SHANK2: variants seen among roughly 807,000 people sequenced by gnomAD.
The protein encoded by SHANK2 is SH3 and multiple ankyrin repeat domains protein 2.
Under a neutral mutation model 133.7 loss-of-function variants are expected in SHANK2, and 43 were observed. The observed-to-expected ratio is 0.32, with a 90% CI of 0.25 to 0.41. The LOEUF is 0.41. SHANK2 is among the 10% of genes least tolerant of loss of function. The probability of loss-of-function intolerance (pLI) is 1.00; values close to 1 mark genes in which losing one functional copy is unlikely to be tolerated. For synonymous variants in SHANK2, 1,017 were observed against 952.8 expected (o/e 1.07, Z -1.24); for missense variants, 1,994 against 2,235.8 (o/e 0.89, Z 2.18).
At chr11:70,689,195 A>G (rs1945223323) in intron 15 of SHANK2, among the ~76,000 whole-genome samples, 1 of 152,236 alleles carries the variant, frequency 6.6e-6, no homozygotes, top group South Asian at 2.1e-4. Context: ...TTGGACAGTA[A>G]CAGTGTGATT....
At chr11:71,172,597 C>CAA (rs10623588) in intron 2 of SHANK2, among the ~76,000 whole-genome samples, 40,641 of 106,734 alleles carry the variant, frequency 0.38, 8,205 homozygotes, top group Admixed American at 0.54. Flanking sequence ...GACTCTGTCT[C>CAA]AAAAAAAAAA....
chr11:70,940,055 G>A (rs1054469240), intron 10 of SHANK2, among the ~76,000 whole-genome samples: 1 of 152,102 alleles, frequency 6.6e-6, no homozygotes, highest in Non-Finnish European at 1.5e-5. Context: ...AGAGCTGGAG[G>A]AGATGAAGAA....
intron 12 of SHANK2, among the ~76,000 whole-genome samples, chr11:70,809,353 AG>A (rs1948232064): frequency 6.6e-6 from 1 of 152,232 alleles, no homozygotes. Flanking sequence ...CCATGCACAC[AG>A]GGACCCATGC....
intron 17 of SHANK2, among the ~76,000 whole-genome samples, chr11:70,600,543 T>TG (rs202142723): frequency 0.014 from 2,128 of 149,226 alleles, 56 homozygotes; most frequent in African/African-American, 0.05. Context: ...AAAAGGTGGG[T>TG]GGGTTGGGGG....
At chr11:71,073,253 G>A (rs1262066304) in intron 9 of SHANK2, among the ~76,000 whole-genome samples, 7 of 148,250 alleles carry the variant, frequency 4.7e-5, no homozygotes, top group Non-Finnish European at 8.9e-5. Flanking sequence ...CCGCCTCCCG[G>A]GTTCAAGCAA....
chr11:70,552,878 C>G (rs553622717), intron 17 of SHANK2, among the ~76,000 whole-genome samples: 108 of 152,268 alleles, frequency 7.1e-4, no homozygotes, highest in African/African-American at 2.5e-3. Flanking sequence ...AGAGCACAGA[C>G]AGGGCAGCCT....
rs564669828 is a variant in SHANK2 at position 70,807,325 on chromosome 11, G to A, written c.1494-154C>T. Among the ~76,000 whole-genome samples the A allele has an allele frequency of 3.3e-5, 5 of 152,308 alleles. No individual in the cohort carries two copies. Among genetic ancestry groups the A allele is most frequent in the South Asian group, 2.1e-4 (1 of 4,828 alleles). ...CCAGACAGGAAGATGGGAACAGGCC[G>A]GGGCAGCACTGTGGTCAGAGGCTCA... On this transcript the variant is annotated intron_variant, in intron 12 of 25. Coordinates refer to ENST00000601538, the MANE Select transcript of SHANK2 (RefSeq NM_012309.5). This position sits in a 1 kb window ranked among gnomAD's most constrained non-coding sequence, Gnocchi z 4.8.
intron 17 of SHANK2, among the ~76,000 whole-genome samples, chr11:70,619,707 G>C (rs1472362259): frequency 6.6e-6 from 1 of 152,086 alleles, no homozygotes; most frequent in African/African-American, 2.4e-5. Flanking sequence ...CAGTGATAAC[G>C]CCTCAGGGCC....
chr11:70,691,526 T>C (rs1945289127), intron 15 of SHANK2, among the ~76,000 whole-genome samples: 1 of 152,166 alleles, frequency 6.6e-6, no homozygotes, highest in African/African-American at 2.4e-5. Context: ...GATGCCTTCC[T>C]TTGCCTATGC....
intron 17 of SHANK2, among the ~76,000 whole-genome samples, chr11:70,580,907 C>T (rs1052094832): frequency 5.9e-5 from 9 of 152,236 alleles, no homozygotes; most frequent in Non-Finnish European, 1.2e-4. Context: ...GCAGCACACA[C>T]GTGTGGGTAT....
At chr11:70,909,049 A>C (rs543156697) in intron 10 of SHANK2, among the ~76,000 whole-genome samples, 7 of 152,350 alleles carry the variant, frequency 4.6e-5, no homozygotes, top group African/African-American at 1.7e-4. Flanking sequence ...AAGTTTAACA[A>C]ACACACAAAA....
At chr11:70,927,384 G>A in intron 10 of SHANK2, among the ~76,000 whole-genome samples, 1 of 152,062 alleles carries the variant, frequency 6.6e-6, no homozygotes, top group East Asian at 1.9e-4. Flanking sequence ...TCACTGCCTG[G>A]TGTGACGGAC....
intron 3 of SHANK2, among the ~76,000 whole-genome samples, chr11:71,145,945 AC>A (rs1207737528): frequency 2.6e-5 from 4 of 151,914 alleles, no homozygotes; most frequent in African/African-American, 9.7e-5. Flanking sequence ...ACTGAGGGAG[AC>A]CCTTCTAGAA....
intron 2 of SHANK2, among the ~76,000 whole-genome samples, chr11:71,158,981 G>A (rs1952958494): frequency 6.6e-6 from 1 of 152,200 alleles, no homozygotes. Flanking sequence ...CAAATCTCTA[G>A]AAGAAAAAGT....
intron 11 of SHANK2, among the ~76,000 whole-genome samples, chr11:70,887,323 C>G (rs997302304): frequency 6.6e-6 from 1 of 151,334 alleles, no homozygotes; most frequent in Non-Finnish European, 1.5e-5. Context: ...TCACTTTCTT[C>G]GAGTTGGCAA....
At chr11:70,858,637 C>T (rs1372388013) in intron 11 of SHANK2, among the ~76,000 whole-genome samples, 1 of 152,260 alleles carries the variant, frequency 6.6e-6, no homozygotes, top group African/African-American at 2.4e-5. Flanking sequence ...TTCTTAACAA[C>T]AGCAATCATG....
At chr11:70,803,279 C>T (rs887341436) in intron 13 of SHANK2, among the ~76,000 whole-genome samples, 2 of 150,732 alleles carry the variant, frequency 1.3e-5, no homozygotes, top group African/African-American at 2.5e-5. Context: ...CTATCAAACT[C>T]AACCGCACAT....
At chr11:71,057,060 C>A (rs1015864507) in intron 9 of SHANK2, among the ~76,000 whole-genome samples, 1 of 152,072 alleles carries the variant, frequency 6.6e-6, no homozygotes, top group African/African-American at 2.4e-5. Context: ...ATTGGCCATG[C>A]GCAGTAGCTC....
At chr11:71,092,294 T>C (rs1370610449) in intron 8 of SHANK2, 128 bp downstream of exon 8, 5 of 933,200 alleles carry the variant, frequency 5.4e-6, no homozygotes, top group Non-Finnish European at 6.6e-6. Flanking sequence ...TCAGGAACTC[T>C]GGGCAGGCCA....
Sources: gnomAD v4.1 joint callset for allele counts (sites outside exome capture counted in the v4.1 genomes callset) on GRCh38, gnomAD v4.1.1 for gene constraint, Gnocchi (gnomAD v3.1) non-coding constraint, MANE v1.5 for transcripts, NCBI Gene and HGNC (gene_info 2026-07-23, HGNC 2026-07-21) for gene names.